Variants in PPM1E observed in about 807,000 individuals in gnomAD.
The protein encoded by PPM1E is protein phosphatase 1E.
In PPM1E, 20 loss-of-function variants were observed where a neutral mutation model predicts 65.9. The ratio of observed to expected loss-of-function variants is 0.30; its 90% CI spans 0.21 to 0.44. The LOEUF (loss-of-function observed/expected upper bound fraction) is 0.44, where lower values mean the gene tolerates loss of function less well. Among genes scored for constraint, PPM1E ranks in the 20% least tolerant of loss-of-function variants. PPM1E has a pLI of 1.00. For missense variants in PPM1E, 713 were observed against 953.1 expected (o/e 0.75, Z 3.32); for synonymous variants, 352 against 374.9 (o/e 0.94, Z 0.70).
intron 1 of PPM1E, among the ~76,000 whole-genome samples, chr17:58,884,523 A>G (rs1386831081): frequency 1.3e-5 from 2 of 151,682 alleles, no homozygotes; most frequent in African/African-American, 2.4e-5. Flanking sequence ...ATTTGCCTTA[A>G]TTTTTGTCTT....
intron 1 of PPM1E, among the ~76,000 whole-genome samples, chr17:58,801,462 G>A (rs991238962): frequency 3.0e-5 from 4 of 131,162 alleles, no homozygotes; most frequent in Non-Finnish European, 6.4e-5. Context: ...TTTTTTTTGA[G>A]GTGGAGTCTC....
At chr17:58,974,282 A>G (rs2030857583) in intron 6 of PPM1E, among the ~76,000 whole-genome samples, 1 of 152,212 alleles carries the variant, frequency 6.6e-6, no homozygotes, top group African/African-American at 2.4e-5. Flanking sequence ...AATGACATAA[A>G]TAACAGAATA....
At chr17:58,873,710 C>T (rs1322533793) in intron 1 of PPM1E, among the ~76,000 whole-genome samples, 1 of 151,182 alleles carries the variant, frequency 6.6e-6, no homozygotes, top group Non-Finnish European at 1.5e-5. Context: ...CCTCCTGCCT[C>T]AGCACCCCCA....
At position 58,937,879 on chromosome 17, in the gene PPM1E, C is replaced by CAAA. The variant is rs1226139023; in HGVS notation, c.465-17756_465-17754dup. Among the ~76,000 whole-genome samples, 68 of 82,632 alleles carry CAAA rather than the reference C, an allele frequency of 8.2e-4. 2 individuals are homozygous for CAAA. The highest frequency in any genetic ancestry group is 1.6e-3 in the African/African-American group (32 of 19,982). 54.2% of individuals were successfully genotyped at this position (82,632 alleles called of 152,430 possible). A position where few individuals can be genotyped will look rare whatever the true frequency, so the allele number is the denominator to read the frequency against. On this transcript the variant is annotated intron_variant, in intron 1 of 6. Coordinates refer to ENST00000308249, the MANE Select transcript of PPM1E (RefSeq NM_014906.5). ...TGGGCAACAGAGTGAGACTCCATCT[C>CAAA]AAAAAAAAAAAAAAAAGAAAGAAAG...
intron 1 of PPM1E, among the ~76,000 whole-genome samples, chr17:58,845,744 G>C (rs1202965526): frequency 6.6e-6 from 1 of 152,118 alleles, no homozygotes; most frequent in Non-Finnish European, 1.5e-5. Context: ...GCAGTGGCGC[G>C]ATCTTGGCTC....
intron 2 of PPM1E, among the ~76,000 whole-genome samples, chr17:58,956,491 A>G (rs1429351762): frequency 6.6e-6 from 1 of 152,114 alleles, no homozygotes; most frequent in East Asian, 1.9e-4. Context: ...GTATCAAGTT[A>G]AAAGATACAA....
At chr17:58,806,698 CTTT>C (rs57960498) in intron 1 of PPM1E, among the ~76,000 whole-genome samples, 1 of 135,014 alleles carries the variant, frequency 7.4e-6, no homozygotes, top group Non-Finnish European at 1.6e-5. Context: ...GTTTTGTTTT[CTTT>C]TTTTTTTTTT....
rs1376523577 is a variant in PPM1E at position 58,984,305 on chromosome 17, G to A, written c.*3274G>A. ...CCACACTCCACTGTTGAAACACTGT[G>A]CCAGTGAGAAGTGCAACATCCAGTG... On this transcript the variant is annotated 3_prime_UTR_variant, in exon 7 of 7. Coordinates refer to ENST00000308249, the MANE Select transcript of PPM1E (RefSeq NM_014906.5). 1 of 152,582 alleles carries A rather than the reference G, an allele frequency of 6.6e-6. No individual in the cohort carries two copies. Among genetic ancestry groups the A allele is most frequent in the African/African-American group, 2.4e-5 (1 of 41,416 alleles). 9.5% of individuals were successfully genotyped at this position (152,582 alleles called of 1,614,324 possible).
chr17:58,929,716 A>G (rs2051868175), intron 1 of PPM1E, among the ~76,000 whole-genome samples: 1 of 152,236 alleles, frequency 6.6e-6, no homozygotes, highest in African/African-American at 2.4e-5. Context: ...TACTCTCAGA[A>G]ACAATTTTTT....
At chr17:58,868,596 A>G (rs572877328) in intron 1 of PPM1E, among the ~76,000 whole-genome samples, 5 of 144,690 alleles carry the variant, frequency 3.5e-5, no homozygotes, top group Non-Finnish European at 6.0e-5. Flanking sequence ...AGTCATTGCA[A>G]TGCAGGAGAT....
At chr17:58,946,916 T>G (rs2052159030) in intron 1 of PPM1E, among the ~76,000 whole-genome samples, 1 of 152,024 alleles carries the variant, frequency 6.6e-6, no homozygotes, top group Non-Finnish European at 1.5e-5. Flanking sequence ...TCATGAAGAT[T>G]TACTCTTTTA....
At chr17:58,883,505 A>T (rs1307386369) in intron 1 of PPM1E, among the ~76,000 whole-genome samples, 3 of 117,818 alleles carry the variant, frequency 2.5e-5, no homozygotes, top group African/African-American at 3.3e-5. Context: ...TTTTTTTGAG[A>T]CGGAGTCTCG....
At chr17:58,913,945 G>A (rs928851123) in intron 1 of PPM1E, among the ~76,000 whole-genome samples, 1 of 152,130 alleles carries the variant, frequency 6.6e-6, no homozygotes. Context: ...TTTTACAAAG[G>A]CAGTTTTGTT....
chr17:58,926,301 T>C (rs1001065292), intron 1 of PPM1E, among the ~76,000 whole-genome samples: 2 of 150,842 alleles, frequency 1.3e-5, no homozygotes, highest in Admixed American at 1.3e-4. Flanking sequence ...CATTGCACTC[T>C]AGCCTGGGTG....
intron 1 of PPM1E, among the ~76,000 whole-genome samples, chr17:58,940,908 G>C (rs1336505713): frequency 6.6e-6 from 1 of 152,038 alleles, no homozygotes; most frequent in East Asian, 1.9e-4. Flanking sequence ...ACAGGGTTTT[G>C]CCACATTGGC....
chr17:58,840,116 A>G (rs1167873245), intron 1 of PPM1E, among the ~76,000 whole-genome samples: 1 of 152,232 alleles, frequency 6.6e-6, no homozygotes, highest in Non-Finnish European at 1.5e-5. Context: ...AGAATTCCTC[A>G]TGTGAAGCTT....
chr17:58,783,811 G>A (rs529052440), intron 1 of PPM1E, among the ~76,000 whole-genome samples: 6 of 151,538 alleles, frequency 4.0e-5, no homozygotes, highest in African/African-American at 1.2e-4. Context: ...AGGTTCAAGC[G>A]ATTCTCTTGC....
chr17:58,972,654 A>G (rs375076887), intron 5 of PPM1E, among the ~76,000 whole-genome samples, 178 bp from the exon 6 acceptor site: 56 of 152,190 alleles, frequency 3.7e-4, no homozygotes, highest in African/African-American at 1.2e-3. Context: ...CCCGGCCAGG[A>G]TTCACTTAAT....
intron 1 of PPM1E, among the ~76,000 whole-genome samples, chr17:58,836,474 T>A (rs2143197187): frequency 6.6e-6 from 1 of 150,392 alleles, no homozygotes; most frequent in Admixed American, 6.6e-5. Context: ...AAAAATTTTT[T>A]TTTTCTTGAG....
Sources: gnomAD v4.1 joint callset for allele counts (sites outside exome capture counted in the v4.1 genomes callset) on GRCh38, gnomAD v4.1.1 for gene constraint, MANE v1.5 for transcripts, NCBI Gene and HGNC (gene_info 2026-07-23, HGNC 2026-07-21) for gene names.